PECAM1: variants seen among roughly 807,000 people sequenced by gnomAD.
PECAM1 encodes platelet endothelial cell adhesion molecule.
A neutral mutation model predicts 13.8 loss-of-function variants in PECAM1; 8 were observed. That is an observed-to-expected ratio of 0.58 (90% CI 0.34 to 1.05). The LOEUF is 1.05. Ranked by LOEUF, PECAM1 falls within the 50% of genes least tolerant of loss-of-function variation. The probability of loss-of-function intolerance (pLI) is 0.03; values close to 1 mark genes in which losing one functional copy is unlikely to be tolerated. For synonymous variants in PECAM1, 136 were observed against 52.6 expected (o/e 2.58, Z -6.86); for missense variants, 304 against 141.2 (o/e 2.15, Z -5.84).
At chr17:64,363,650 A>C (rs1012993348) in intron 5 of PECAM1, among the ~76,000 whole-genome samples, 1 of 152,164 alleles carries the variant, frequency 6.6e-6, no homozygotes, top group African/African-American at 2.4e-5. Flanking sequence ...GGATTAGAAA[A>C]GTTTTGCAAC....
chr17:64,365,846 A>G (rs1321774505), intron 5 of PECAM1, among the ~76,000 whole-genome samples: 16 of 151,102 alleles, frequency 1.1e-4, no homozygotes, highest in South Asian at 6.3e-4. Context: ...AGACTTAAAC[A>G]TTAGACCTAA....
At chr17:64,388,622 G>A (rs2143925301) in intron 2 of PECAM1, among the ~76,000 whole-genome samples, 1 of 152,266 alleles carries the variant, frequency 6.6e-6, no homozygotes, top group South Asian at 2.1e-4. Context: ...TCCAGTCCCA[G>A]TGCCCAGCCA....
At chr17:64,346,178 C>A (rs2035564292) in intron 13 of PECAM1, among the ~76,000 whole-genome samples, 1 of 152,066 alleles carries the variant, frequency 6.6e-6, no homozygotes, top group Non-Finnish European at 1.5e-5. Flanking sequence ...TGGCAATGAT[C>A]CCAGGGAGCT....
intron 3 of PECAM1, 151 bp downstream of exon 3, chr17:64,377,673 A>G (rs1368130485): frequency 3.0e-6 from 1 of 336,618 alleles, no homozygotes. Flanking sequence ...TCTAGTGCTT[A>G]CGTATTCAGG....
At chr17:64,386,455 G>A (rs1461659045) in intron 2 of PECAM1, among the ~76,000 whole-genome samples, 2 of 151,644 alleles carry the variant, frequency 1.3e-5, no homozygotes, top group Non-Finnish European at 2.9e-5. Flanking sequence ...TTAGACAATG[G>A]TGATGGTTGC....
rs2036701006 is a variant in PECAM1 at position 64,390,717 on chromosome 17, C to T, written c.-52G>A. 4.7e-6 allele frequency: 2 copies of T among 425,240 alleles called. No homozygotes were observed. The highest frequency in any genetic ancestry group is 2.0e-5 in the African/African-American group (1 of 49,362). 26.3% of individuals were successfully genotyped at this position (425,240 alleles called of 1,614,324 possible). A position where few individuals can be genotyped will look rare whatever the true frequency, so the allele number is the denominator to read the frequency against. ...TTAGTTCTGCCTTCGGGCCATGACTCGCTCAGCAGAAGGCACTGCCCACAA... is the reference window on the plus strand; with the variant it reads ...TTAGTTCTGCCTTCGGGCCATGACTTGCTCAGCAGAAGGCACTGCCCACAA... On this transcript the variant is annotated 5_prime_UTR_variant, in exon 1 of 16. Coordinates refer to ENST00000563924, the MANE Select transcript of PECAM1 (RefSeq NM_000442.5).
At chr17:64,356,546 C>T (rs1178197059) in intron 7 of PECAM1, 148 bp from the exon 8 acceptor site, 1 of 382,140 alleles carries the variant, frequency 2.6e-6, no homozygotes, top group East Asian at 3.7e-5. Flanking sequence ...ATAATCTCAG[C>T]TTACTGCAAC....
chr17:64,322,806 C>T lies in PECAM1; in HGVS notation c.*1010G>A. The T allele has an allele frequency of 1.8e-6, 1 of 545,990 alleles. No homozygotes were observed. Among genetic ancestry groups the T allele is most frequent in the Admixed American group, 6.3e-5 (1 of 15,750 alleles). The allele number at this position is 545,990 out of a possible 1,614,324, so 33.8% of individuals were successfully genotyped here. Reference sequence around the variant, plus strand: ...TCTCCGCTCACTACAACCTCCGTTTCCTGGGTTCAAGCGATAATCTCACCT... The same window carrying T: ...TCTCCGCTCACTACAACCTCCGTTTTCTGGGTTCAAGCGATAATCTCACCT... On this transcript the variant is annotated 3_prime_UTR_variant, in exon 16 of 16. Coordinates refer to ENST00000563924, the MANE Select transcript of PECAM1 (RefSeq NM_000442.5).
intron 11 of PECAM1, among the ~76,000 whole-genome samples, chr17:64,352,052 A>G (rs1341968301): frequency 3.3e-5 from 5 of 152,314 alleles, no homozygotes; most frequent in African/African-American, 9.6e-5. Context: ...TGTTTTACCA[A>G]TGTTTTCATT....
At chr17:64,366,629 G>A (rs1368823355) in intron 5 of PECAM1, among the ~76,000 whole-genome samples, 1 of 151,922 alleles carries the variant, frequency 6.6e-6, no homozygotes, top group Non-Finnish European at 1.5e-5. Flanking sequence ...ATACACCATG[G>A]AATACTATGC....
chr17:64,353,437 G>A, intron 10 of PECAM1, 54 bp downstream of exon 10: 1 of 450,140 alleles, frequency 2.2e-6, no homozygotes, highest in Admixed American at 3.6e-5. Flanking sequence ...TCTCCCTCCA[G>A]ACATGTCCAC....
chr17:64,324,283 A>AT (rs1374277693), intron 15 of PECAM1, among the ~76,000 whole-genome samples: 18 of 151,870 alleles, frequency 1.2e-4, no homozygotes, highest in Non-Finnish European at 1.0e-4. Context: ...TTAGCAAGCA[A>AT]TTTTTTTTAG....
chr17:64,348,186 A>G (rs2035629371), intron 13 of PECAM1, 74 bp downstream of exon 13: 6 of 466,378 alleles, frequency 1.3e-5, no homozygotes, highest in African/African-American at 7.9e-5. Flanking sequence ...CACTGAACAC[A>G]GCACCCCCGC....
chr17:64,371,754 T>C (rs118203033), intron 4 of PECAM1, among the ~76,000 whole-genome samples: 1 of 152,084 alleles, frequency 6.6e-6, no homozygotes, highest in African/African-American at 2.4e-5. Flanking sequence ...CACTTGAACC[T>C]GGTGGGCGGA....
intron 7 of PECAM1, among the ~76,000 whole-genome samples, chr17:64,356,908 T>A (rs1490956978): frequency 6.6e-6 from 1 of 152,162 alleles, no homozygotes; most frequent in Non-Finnish European, 1.5e-5. Flanking sequence ...CTGACTGCAC[T>A]CTTTTGTAGT....
At chr17:64,331,500 T>TAAG (rs2035118038) in intron 14 of PECAM1, among the ~76,000 whole-genome samples, 1 of 152,226 alleles carries the variant, frequency 6.6e-6, no homozygotes, top group South Asian at 2.1e-4. Flanking sequence ...ACCACCTTCT[T>TAAG]GGCAGGCGCC....
chr17:64,354,736 C>A (rs905962663), intron 9 of PECAM1, among the ~76,000 whole-genome samples, 197 bp downstream of exon 9: 3 of 152,222 alleles, frequency 2.0e-5, no homozygotes, highest in Non-Finnish European at 2.9e-5. Flanking sequence ...GTGGACAAAT[C>A]TACAGAAATG....
Position 64,359,783 on chromosome 17 carries a change from C to T in PECAM1, c.1492+357G>A, listed in dbSNP as rs956529958. ...CTTTTTTTTTTTTTAGATGGAGTTTCGCTCTTGTTGCTCAGGCTGGAGTGC... is the reference window on the plus strand; with the variant it reads ...CTTTTTTTTTTTTTAGATGGAGTTTTGCTCTTGTTGCTCAGGCTGGAGTGC... On this transcript the variant is annotated intron_variant, in intron 7 of 15. Transcript: ENST00000563924. Among the ~76,000 whole-genome samples the T allele has an allele frequency of 1.5e-4, 22 of 150,914 alleles. No homozygotes were observed. The South Asian group carries it at 2.7e-3, about 19-fold the overall frequency.
At chr17:64,361,115 C>T (rs937830350) in intron 6 of PECAM1, among the ~76,000 whole-genome samples, 1 of 114,390 alleles carries the variant, frequency 8.7e-6, no homozygotes, top group Non-Finnish European at 1.7e-5. Flanking sequence ...GCCACCACAC[C>T]TGGCTGAGCA....
Sources: gnomAD v4.1 joint callset for allele counts (sites outside exome capture counted in the v4.1 genomes callset) on GRCh38, gnomAD v4.1.1 for gene constraint, MANE v1.5 for transcripts, NCBI Gene and HGNC (gene_info 2026-07-23, HGNC 2026-07-21) for gene names.